Variants in TSEN2 observed in about 807,000 individuals in gnomAD.
TSEN2 encodes tRNA splicing endonuclease subunit 2, also known as tRNA-splicing endonuclease subunit Sen2.
TSEN2 carries 54 observed loss-of-function variants against 59.2 expected under a neutral mutation model. The observed-to-expected ratio is 0.91, with a 90% CI of 0.73 to 1.14. The LOEUF is 1.14. Among genes scored for constraint, TSEN2 ranks in the 50% most tolerant of loss-of-function variants. The pLI is 0.00. For missense variants in TSEN2, 636 were observed against 576.2 expected, an observed-to-expected ratio of 1.10 and a Z score of -1.06; for synonymous variants, 195 against 198.2, an observed-to-expected ratio of 0.98 and a Z score of 0.14.
intron 3 of TSEN2, among the ~76,000 whole-genome samples, chr3:12,492,844 G>A (rs997824489): frequency 6.6e-6 from 1 of 152,202 alleles, no homozygotes; most frequent in African/African-American, 2.4e-5. Flanking sequence ...TTGCATTGCT[G>A]GTGGGGTGCT....
upstream of TSEN2, among the ~76,000 whole-genome samples, chr3:12,481,899 G>A (rs2052197635): frequency 9.9e-6 from 1 of 101,230 alleles, no homozygotes; most frequent in Admixed American, 1.0e-4. Context: ...GTTGATATAT[G>A]TGTGTGTGTG....
intron 4 of TSEN2, among the ~76,000 whole-genome samples, chr3:12,501,693 C>T (rs1052959830): frequency 2.0e-5 from 3 of 152,010 alleles, no homozygotes; most frequent in Non-Finnish European, 2.9e-5. Flanking sequence ...TATGTGCTGC[C>T]GCATCGAGCA....
At chr3:12,503,221 G>C in intron 4 of TSEN2, 41 bp from the exon 5 acceptor site, 2 of 1,613,292 alleles carry the variant, frequency 1.2e-6, no homozygotes, top group Non-Finnish European at 1.7e-6. Flanking sequence ...TTTCAATTTT[G>C]AAATTCGAGT....
At chr3:12,519,024 A>G (rs1490040866) in intron 7 of TSEN2, 35 bp from the exon 8 acceptor site, 1 of 1,612,236 alleles carries the variant, frequency 6.2e-7, no homozygotes, top group Non-Finnish European at 8.5e-7. Context: ...ATGCATACAT[A>G]GTAATGCTTT....
At chr3:12,506,648 A>G (rs1575331585) in intron 6 of TSEN2, 1 of 972,156 alleles carries the variant, frequency 1.0e-6, no homozygotes, top group East Asian at 1.1e-4. Flanking sequence ...AGTGACCTGG[A>G]GTTCCTCTAA....
intron 8 of TSEN2, among the ~76,000 whole-genome samples, chr3:12,527,493 G>C (rs1300296820): frequency 3.7e-5 from 5 of 135,164 alleles, no homozygotes; most frequent in Non-Finnish European, 7.6e-5. Context: ...TCGCTCTGTC[G>C]CCCAGGCTGG....
chr3:12,529,686 C>A, intron 9 of TSEN2, 76 bp from the exon 10 acceptor site: 1 of 1,360,192 alleles, frequency 7.4e-7, no homozygotes, highest in South Asian at 1.2e-5. Flanking sequence ...TATATTTGTT[C>A]TTGGTAGGAC....
intron 2 of TSEN2, among the ~76,000 whole-genome samples, chr3:12,490,382 C>T (rs1028672456): frequency 6.6e-6 from 1 of 152,158 alleles, no homozygotes; most frequent in Non-Finnish European, 1.5e-5. Context: ...GTAGCCACAG[C>T]GTGGCATAGT....
chr3:12,513,460 G>A (rs1353219477), intron 6 of TSEN2, among the ~76,000 whole-genome samples: 2 of 152,136 alleles, frequency 1.3e-5, no homozygotes, highest in Non-Finnish European at 2.9e-5. Flanking sequence ...TGAGCTTTTA[G>A]GTGCTTTTCA....
At chr3:12,526,081 G>A (rs1284265668) in intron 8 of TSEN2, among the ~76,000 whole-genome samples, 1 of 151,162 alleles carries the variant, frequency 6.6e-6, no homozygotes, top group Non-Finnish European at 1.5e-5. Flanking sequence ...GCTCACACCT[G>A]TAATCCCAGC....
chr3:12,516,263 A>G (rs1336805808), intron 6 of TSEN2, among the ~76,000 whole-genome samples: 14 of 152,206 alleles, frequency 9.2e-5, no homozygotes, highest in Non-Finnish European at 1.5e-5. Flanking sequence ...CTCTACTGAA[A>G]AAAATACAAA....
intron 8 of TSEN2, among the ~76,000 whole-genome samples, chr3:12,524,817 A>G (rs190746242): frequency 2.8e-5 from 4 of 144,702 alleles, no homozygotes; most frequent in Admixed American, 1.5e-4. Flanking sequence ...ATCTCAGCTC[A>G]CTGCAACCTC....
Position 12,528,820 on chromosome 3 carries a change from TG to T in TSEN2, c.1100-67del. The T allele has an allele frequency of 4.5e-6, 7 of 1,551,318 alleles. No individual in the cohort carries two copies. In the South Asian group the frequency reaches 7.9e-5, roughly 17 times the overall value. On this transcript the variant is annotated intron_variant, in intron 8 of 11. Coordinates refer to ENST00000284995, the MANE Select transcript of TSEN2 (RefSeq NM_025265.4). ...AGAAAAGTTAATAAAGCAAGCTTTT[TG>T]TTGAGTCTTACTCCTCTCTCATTAT...
chr3:12,518,100 G>T (rs2056313649), intron 7 of TSEN2, among the ~76,000 whole-genome samples: 1 of 152,094 alleles, frequency 6.6e-6, no homozygotes, highest in Non-Finnish European at 1.5e-5. Flanking sequence ...TTATTTTGTT[G>T]TCATTGTATT....
At chr3:12,496,476 A>G in intron 3 of TSEN2, 42 bp from the exon 4 acceptor site, 1 of 1,605,118 alleles carries the variant, frequency 6.2e-7, no homozygotes, top group Non-Finnish European at 8.5e-7. Context: ...TGTTCCCCTT[A>G]TGGGAAATTT....
At chr3:12,530,338 T>G in intron 10 of TSEN2, 2 of 987,132 alleles carry the variant, frequency 2.0e-6, no homozygotes, top group Non-Finnish European at 2.4e-6. Flanking sequence ...ATCCTGAGGA[T>G]GAGAAACCAA....
chr3:12,502,319 T>G (rs144980448), intron 4 of TSEN2, among the ~76,000 whole-genome samples: 3,735 of 150,970 alleles, frequency 0.025, 66 homozygotes, highest in South Asian at 0.06. Context: ...GCCAAGGCGG[T>G]CGGATCTCTT....
At chr3:12,496,411 G>A in intron 3 of TSEN2, 107 bp from the exon 4 acceptor site, 1 of 1,199,422 alleles carries the variant, frequency 8.3e-7, no homozygotes, top group South Asian at 1.2e-5. Flanking sequence ...AAACTTTCTA[G>A]GTGTGTGATT....
At position 12,529,891 on chromosome 3, in the gene TSEN2, TTG is replaced by T; in HGVS notation, c.1248+19_1248+20del. On this transcript the variant is annotated intron_variant, in intron 10 of 11. Coordinates refer to ENST00000284995, the MANE Select transcript of TSEN2 (RefSeq NM_025265.4). Reference sequence around the variant, plus strand: ...TCTCTAAGGTAACACAACATCAGCTTTGCCATTGGAGTGTCACTTAAATGGTT... The same window carrying T: ...TCTCTAAGGTAACACAACATCAGCTTCCATTGGAGTGTCACTTAAATGGTT... The T allele has an allele frequency of 6.2e-7, 1 of 1,613,322 alleles. No homozygotes were observed. The highest frequency in any genetic ancestry group is 8.5e-7 in the Non-Finnish European group (1 of 1,179,806).
Sources: gnomAD v4.1 joint callset for allele counts (sites outside exome capture counted in the v4.1 genomes callset) on GRCh38, gnomAD v4.1.1 for gene constraint, MANE v1.5 for transcripts, NCBI Gene and HGNC (gene_info 2026-07-23, HGNC 2026-07-21) for gene names.